MSH3: variants seen among roughly 807,000 people sequenced by gnomAD.
MSH3 encodes the protein mutS homolog 3.
MSH3 carries 106 observed loss-of-function variants against 123.3 expected under a neutral mutation model. That is an observed-to-expected ratio of 0.86 (90% CI 0.73 to 1.01). MSH3 has a LOEUF of 1.01. MSH3 is among the 50% of genes least tolerant of loss of function. The probability of loss-of-function intolerance (pLI) is 0.00; values close to 1 mark genes in which losing one functional copy is unlikely to be tolerated. For missense variants in MSH3, 1,459 were observed against 1,347.6 expected (o/e 1.08, Z -1.29); for synonymous variants, 515 against 481.4 (o/e 1.07, Z -0.91).
intron 8 of MSH3, among the ~76,000 whole-genome samples, chr5:80,697,826 G>A (rs1054230384): frequency 6.6e-6 from 1 of 152,046 alleles, no homozygotes; most frequent in Non-Finnish European, 1.5e-5. Flanking sequence ...CCTTTTTAAA[G>A]GTATTTTATC....
At chr5:80,778,488 A>C (rs1177433673) in intron 16 of MSH3, among the ~76,000 whole-genome samples, 1 of 152,192 alleles carries the variant, frequency 6.6e-6, no homozygotes, top group African/African-American at 2.4e-5. Flanking sequence ...CTAAACTCTG[A>C]CTTTGCTATA....
chr5:80,818,371 T>G (rs1490077084), intron 20 of MSH3, among the ~76,000 whole-genome samples: 6 of 11,782 alleles, frequency 5.1e-4, no homozygotes, highest in African/African-American at 1.7e-3. Context: ...TGACTGGTGT[T>G]TTTTTTTTTT....
intron 17 of MSH3, among the ~76,000 whole-genome samples, chr5:80,782,975 CTCTT>C (rs1744436415): frequency 6.6e-6 from 1 of 152,148 alleles, no homozygotes; most frequent in Non-Finnish European, 1.5e-5. Context: ...AAACATGTCT[CTCTT>C]TTTTTTGTTC....
chr5:80,805,590 T>A (rs79378362), intron 19 of MSH3, among the ~76,000 whole-genome samples: 33 of 21,084 alleles, frequency 1.6e-3, no homozygotes, highest in African/African-American at 5.7e-3. Context: ...CCCCCCCCCC[T>A]ACCTTTTTTT....
chr5:80,852,010 A>G (rs377222972), intron 20 of MSH3, among the ~76,000 whole-genome samples: 1 of 152,322 alleles, frequency 6.6e-6, no homozygotes, highest in East Asian at 1.9e-4. Flanking sequence ...CTTAAGTATA[A>G]TGCTTAATCT....
rs1399914650 is a variant in MSH3, at chr5:80,778,901, T to G, written c.2435+65T>G. 3 of 949,452 alleles carry G rather than the reference T, an allele frequency of 3.2e-6. No individual in the cohort carries two copies. In the African/African-American group the frequency reaches 4.9e-5, roughly 15 times the overall value. 58.8% of individuals were successfully genotyped at this position (949,452 alleles called of 1,614,324 possible). On this transcript the variant is annotated intron_variant, in intron 17 of 23. Coordinates refer to ENST00000265081, the MANE Select transcript of MSH3 (RefSeq NM_002439.5). The stretch of plus-strand genomic sequence containing the variant: ...ATCAGAAACAGACTGGAAAAATCTT[T>G]CCATCAAAAAGAAAATAGAGATTAC...
At chr5:80,832,026 C>T (rs1426786607) in intron 20 of MSH3, among the ~76,000 whole-genome samples, 2 of 152,052 alleles carry the variant, frequency 1.3e-5, no homozygotes, top group East Asian at 1.9e-4. Flanking sequence ...AGGAGAATGG[C>T]GTGAACCCGG....
chr5:80,771,699 GC>G lies in MSH3; in HGVS notation c.2253+2700del, dbSNP rs911871882. 3.9e-5 allele frequency among the ~76,000 whole-genome samples: 6 copies of G among 152,176 alleles called. 1 individual carries two copies. Among genetic ancestry groups the G allele is most frequent in the Admixed American group, 3.3e-4 (5 of 15,280 alleles). On this transcript the variant is annotated intron_variant, in intron 15 of 23. Coordinates refer to ENST00000265081, the MANE Select transcript of MSH3 (RefSeq NM_002439.5). ...TAACCTTAAAAGACCCATTATAGCA[GC>G]CCCATGTGAGCCACGTGATGGTATG...
chr5:80,748,261 A>C (rs968942616), intron 12 of MSH3, among the ~76,000 whole-genome samples: 1 of 152,166 alleles, frequency 6.6e-6, no homozygotes, highest in Non-Finnish European at 1.5e-5. Context: ...CACAGTTCAT[A>C]AGTCTAGGAC....
Position 80,787,680 on chromosome 5 carries a change from AT to A in MSH3, c.2543+13del. On this transcript the variant is annotated intron_variant, in intron 18 of 23. Coordinates refer to ENST00000265081, the MANE Select transcript of MSH3 (RefSeq NM_002439.5). ...GCAAGGAGATTACTGCAGGTAAGATATTTTTCATTTTCCTCTTTATCAGTGC... is the reference window on the plus strand; with the variant it reads ...GCAAGGAGATTACTGCAGGTAAGATATTTTCATTTTCCTCTTTATCAGTGC... The A allele has an allele frequency of 1.3e-6, 2 of 1,579,886 alleles. No homozygotes were observed. Among genetic ancestry groups the A allele is most frequent in the Non-Finnish European group, 1.7e-6 (2 of 1,149,152 alleles).
chr5:80,748,608 A>G (rs1430549931), intron 12 of MSH3, among the ~76,000 whole-genome samples: 2 of 151,990 alleles, frequency 1.3e-5, no homozygotes, highest in Non-Finnish European at 2.9e-5. Flanking sequence ...GGCCTTTTAA[A>G]ATTAGATTAT....
In MSH3 at chr5:80,660,346, A is replaced by G. The variant is rs144646182; in HGVS notation, c.358+3815A>G. On this transcript the variant is annotated intron_variant, in intron 2 of 23. Transcript: ENST00000265081. ...AAACCCATCAGATTTCATGAGACTTATTCACTATCATGGGAATAGCATGGG... is the reference window on the plus strand; with the variant it reads ...AAACCCATCAGATTTCATGAGACTTGTTCACTATCATGGGAATAGCATGGG... 5.9e-5 allele frequency among the ~76,000 whole-genome samples: 9 copies of G among 152,270 alleles called. No homozygotes were observed. In the East Asian group the frequency reaches 1.7e-3, roughly 29 times the overall value.
At chr5:80,830,740 C>T (rs1028821960) in intron 20 of MSH3, among the ~76,000 whole-genome samples, 5 of 152,194 alleles carry the variant, frequency 3.3e-5, no homozygotes, top group African/African-American at 7.2e-5. Flanking sequence ...CTGTGTCCTT[C>T]GTAAGTGTCC....
chr5:80,750,638 G>A (rs1004193480), intron 12 of MSH3, among the ~76,000 whole-genome samples: 1 of 152,114 alleles, frequency 6.6e-6, no homozygotes, highest in African/African-American at 2.4e-5. Context: ...CCCTTATCCA[G>A]TGTTTGATTT....
chr5:80,829,219 G>A (rs1219591170), intron 20 of MSH3, among the ~76,000 whole-genome samples: 1 of 152,202 alleles, frequency 6.6e-6, no homozygotes, highest in Admixed American at 6.5e-5. Flanking sequence ...CCAAAGTACT[G>A]TTTATTTCCT....
intron 2 of MSH3, among the ~76,000 whole-genome samples, chr5:80,658,361 T>A (rs1224936290): frequency 1.3e-5 from 2 of 152,034 alleles, no homozygotes; most frequent in East Asian, 3.9e-4. Flanking sequence ...ACCCGGCCTG[T>A]TGTTCTCTTT....
At chr5:80,793,319 C>T (rs890802127) in intron 19 of MSH3, among the ~76,000 whole-genome samples, 14 of 152,172 alleles carry the variant, frequency 9.2e-5, no homozygotes, top group African/African-American at 3.1e-4. Context: ...TTACTTAACA[C>T]ATACTTACTG....
intron 19 of MSH3, among the ~76,000 whole-genome samples, chr5:80,806,193 G>C (rs994769637): frequency 6.6e-6 from 1 of 152,148 alleles, no homozygotes; most frequent in African/African-American, 2.4e-5. Flanking sequence ...CCGCCTCCCA[G>C]GTTCAAGTGA....
At chr5:80,725,658 GTTA>G (rs1322254574) in intron 9 of MSH3, 93 bp downstream of exon 9, 5 of 856,382 alleles carry the variant, frequency 5.8e-6, no homozygotes, top group African/African-American at 3.4e-5. Context: ...TGACTAGGTA[GTTA>G]TTATAAATAT....
Sources: gnomAD v4.1 joint callset for allele counts (sites outside exome capture counted in the v4.1 genomes callset) on GRCh38, gnomAD v4.1.1 for gene constraint, MANE v1.5 for transcripts, NCBI Gene and HGNC (gene_info 2026-07-23, HGNC 2026-07-21) for gene names.